INPP4B: variants seen among roughly 807,000 people sequenced by gnomAD.
INPP4B encodes inositol polyphosphate-4-phosphatase type II B.
In INPP4B, 55 loss-of-function variants were observed where a neutral mutation model predicts 122.5. The ratio of observed to expected loss-of-function variants is 0.45; its 90% CI spans 0.36 to 0.56. The LOEUF (loss-of-function observed/expected upper bound fraction) is 0.56. INPP4B is among the 20% of genes least tolerant of loss of function. The pLI is 0.00. For synonymous variants in INPP4B, 403 were observed against 388.7 expected, an observed-to-expected ratio of 1.04 and a Z score of -0.43; for missense variants, 1,000 against 1,097.7, an observed-to-expected ratio of 0.91 and a Z score of 1.26.
At chr4:142,508,424 G>A (rs553358002) in intron 2 of INPP4B, among the ~76,000 whole-genome samples, 42 of 152,230 alleles carry the variant, frequency 2.8e-4, no homozygotes, top group African/African-American at 9.1e-4. Context: ...ACAGGTGCAT[G>A]CTACCATGCC....
chr4:142,206,718 C>A lies in INPP4B; in HGVS notation c.1072+1707G>T, dbSNP rs543119984. On this transcript the variant is annotated intron_variant, in intron 14 of 25. Transcript: ENST00000262992. ...TATACTCTTTAAACCATTACCACGA[C>A]TTATGCCATAAGCCTATCCATCATC... Among the ~76,000 whole-genome samples the A allele has an allele frequency of 3.9e-5, 6 of 152,104 alleles. No individual in the cohort carries two copies. The East Asian group carries it at 7.7e-4, about 20-fold the overall frequency.
chr4:142,373,802 A>G (rs914325516), intron 7 of INPP4B, among the ~76,000 whole-genome samples: 2 of 152,026 alleles, frequency 1.3e-5, no homozygotes, highest in Admixed American at 6.6e-5. Context: ...CTTTGGCTAT[A>G]TTCCCAGTTG....
chr4:142,051,593 C>T (rs1036415340), intron 25 of INPP4B, among the ~76,000 whole-genome samples: 3 of 151,768 alleles, frequency 2.0e-5, no homozygotes, highest in Non-Finnish European at 4.4e-5. Context: ...TTGTGATATT[C>T]GAAGGAGATA....
At chr4:142,830,266 C>T (rs1781961442) in intron 1 of INPP4B, among the ~76,000 whole-genome samples, 1 of 152,098 alleles carries the variant, frequency 6.6e-6, no homozygotes, top group Middle Eastern at 3.4e-3. Context: ...AAGAATTTTT[C>T]TAAGGGATTA....
chr4:142,538,683 G>T (rs1484167095), intron 2 of INPP4B, among the ~76,000 whole-genome samples: 1 of 152,076 alleles, frequency 6.6e-6, no homozygotes, highest in African/African-American at 2.4e-5. Context: ...CCCTGGTGAA[G>T]AAACCACTTT....
At chr4:142,369,156 A>G (rs1338359320) in intron 7 of INPP4B, among the ~76,000 whole-genome samples, 1 of 152,036 alleles carries the variant, frequency 6.6e-6, no homozygotes, top group African/African-American at 2.4e-5. Flanking sequence ...GATCTGCTGC[A>G]CTCTTGGGGT....
At chr4:142,335,966 G>A (rs1206789464) in intron 7 of INPP4B, among the ~76,000 whole-genome samples, 3 of 152,136 alleles carry the variant, frequency 2.0e-5, no homozygotes, top group Non-Finnish European at 4.4e-5. Flanking sequence ...GAACTTCCGT[G>A]GTGTCTCTTA....
chr4:142,373,580 T>A (rs1430189053), intron 7 of INPP4B, among the ~76,000 whole-genome samples: 1 of 151,788 alleles, frequency 6.6e-6, no homozygotes, highest in African/African-American at 2.4e-5. Flanking sequence ...AATTTCCTCA[T>A]CTAGAAAATG....
intron 7 of INPP4B, among the ~76,000 whole-genome samples, chr4:142,398,440 ATATAT>A (rs1388266569): frequency 8.6e-4 from 90 of 104,482 alleles, no homozygotes; most frequent in African/African-American, 3.1e-3. Flanking sequence ...ATATATATAT[ATATAT>A]AAAACATATT....
At chr4:142,268,347 T>A (rs1164500548) in intron 10 of INPP4B, among the ~76,000 whole-genome samples, 1,799 of 21,174 alleles carry the variant, frequency 0.085, 2 homozygotes, top group Non-Finnish European at 0.15. Context: ...AAAAAAAAAA[T>A]GAGGGGTAAG....
intron 11 of INPP4B, among the ~76,000 whole-genome samples, chr4:142,251,933 G>A (rs898317061): frequency 2.0e-5 from 3 of 152,120 alleles, no homozygotes; most frequent in African/African-American, 7.2e-5. Flanking sequence ...AAAGAGTAAG[G>A]TATTTTACTG....
At chr4:142,503,826 A>C (rs188763130) in intron 2 of INPP4B, among the ~76,000 whole-genome samples, 128 of 152,218 alleles carry the variant, frequency 8.4e-4, no homozygotes, top group African/African-American at 3.0e-3. Context: ...ATACCTAGAA[A>C]TAGATCTTGC....
At chr4:142,213,964 G>C (rs921359968) in intron 12 of INPP4B, among the ~76,000 whole-genome samples, 18 of 152,130 alleles carry the variant, frequency 1.2e-4, no homozygotes, top group Non-Finnish European at 2.9e-5. Flanking sequence ...AAGACTCTGG[G>C]ACACCTCTTC....
chr4:142,389,762 A>G (rs1797104599), intron 7 of INPP4B, among the ~76,000 whole-genome samples: 1 of 152,220 alleles, frequency 6.6e-6, no homozygotes, highest in Non-Finnish European at 1.5e-5. Flanking sequence ...AAGAGTTACC[A>G]TGATAACATG....
chr4:142,510,846 A>G (rs1824621319), intron 2 of INPP4B, among the ~76,000 whole-genome samples: 1 of 152,188 alleles, frequency 6.6e-6, no homozygotes, highest in African/African-American at 2.4e-5. Context: ...TCACTCAACA[A>G]TTAATTTTTA....
At chr4:142,369,321 T>A (rs549562353) in intron 7 of INPP4B, among the ~76,000 whole-genome samples, 1 of 152,188 alleles carries the variant, frequency 6.6e-6, no homozygotes, top group Non-Finnish European at 1.5e-5. Flanking sequence ...TGGTAACTCA[T>A]GCCTGTAATT....
intron 25 of INPP4B, among the ~76,000 whole-genome samples, chr4:142,035,198 G>T (rs1330231417): frequency 6.6e-6 from 1 of 152,144 alleles, no homozygotes; most frequent in Non-Finnish European, 1.5e-5. Flanking sequence ...CCAAAAGTCT[G>T]CCTTCAGATT....
chr4:142,160,487 T>G lies in INPP4B; in HGVS notation c.1434A>C (p.Pro478=). 1 of 1,612,752 alleles carries G rather than the reference T, an allele frequency of 6.2e-7. No homozygotes were observed. Residue 478 remains proline, a synonymous_variant, in exon 17 of 26, where the codon CCA becomes CCC. Coordinates refer to ENST00000262992, the MANE Select transcript of INPP4B (RefSeq NM_001101669.3). ...AGGGTGGCTTCTTAAGAATGCCTCC[T>G]GGCCTTGCAGTGTAGAGTGCTAAAA... ...SALLALYTAR[P]GGILKKPPSP...
At chr4:142,742,201 T>C (rs2150921638) in intron 1 of INPP4B, among the ~76,000 whole-genome samples, 1 of 152,010 alleles carries the variant, frequency 6.6e-6, no homozygotes, top group East Asian at 1.9e-4. Context: ...TCATACTCCC[T>C]CTAGGGACAG....
Sources: allele counts gnomAD v4.1 joint callset (sites outside exome capture counted in the v4.1 genomes callset), GRCh38; gene constraint gnomAD v4.1.1; transcripts MANE v1.5; gene names NCBI Gene and HGNC (gene_info 2026-07-23, HGNC 2026-07-21).